Variants in HHAT observed in about 807,000 individuals in gnomAD.
The protein encoded by HHAT is protein-cysteine N-palmitoyltransferase HHAT.
A neutral mutation model predicts 70.8 loss-of-function variants in HHAT; 47 were observed. The observed-to-expected ratio is 0.66, with a 90% CI of 0.53 to 0.85. The LOEUF is 0.85. Among genes scored for constraint, HHAT ranks in the 40% least tolerant of loss-of-function variants. The pLI, the probability that HHAT is intolerant of heterozygous loss-of-function variation, is 0.00. For synonymous variants in HHAT, 228 were observed against 247.6 expected, an observed-to-expected ratio of 0.92 and a Z score of 0.74; for missense variants, 609 against 604.8, an observed-to-expected ratio of 1.01 and a Z score of -0.07.
chr1:210,356,497 G>A (rs2087639727), intron 2 of HHAT, among the ~76,000 whole-genome samples: 2 of 151,948 alleles, frequency 1.3e-5, no homozygotes, highest in Non-Finnish European at 2.9e-5. Context: ...TTTCTGGTGC[G>A]AAGTATTTAT....
At chr1:210,449,615 A>G (rs2093707399) in intron 7 of HHAT, among the ~76,000 whole-genome samples, 1 of 152,180 alleles carries the variant, frequency 6.6e-6, no homozygotes, top group Non-Finnish European at 1.5e-5. Flanking sequence ...CTGCTCCTTC[A>G]TGGCTGTAAT....
At chr1:210,606,944 G>A (rs79599684) in intron 10 of HHAT, among the ~76,000 whole-genome samples, 2,341 of 152,082 alleles carry the variant, frequency 0.015, 84 homozygotes, top group African/African-American at 0.053. Context: ...GAACATCTTC[G>A]GTATATATCT....
chr1:210,412,671 C>G (rs1222314991), intron 6 of HHAT, among the ~76,000 whole-genome samples: 1 of 152,248 alleles, frequency 6.6e-6, no homozygotes, highest in Non-Finnish European at 1.5e-5. Context: ...CTCTCAGACA[C>G]ACTGGGGTGC....
intron 3 of HHAT, among the ~76,000 whole-genome samples, chr1:210,376,859 C>T (rs2090264329): frequency 6.6e-6 from 1 of 152,142 alleles, no homozygotes; most frequent in Non-Finnish European, 1.5e-5. Flanking sequence ...GGGTTCCCTT[C>T]TTCTTCCCCT....
At chr1:210,540,703 G>A (rs1030483089) in intron 9 of HHAT, among the ~76,000 whole-genome samples, 2 of 151,730 alleles carry the variant, frequency 1.3e-5, no homozygotes, top group African/African-American at 2.4e-5. Flanking sequence ...CTATTCACAG[G>A]TGCAATAATA....
intron 1 of HHAT, among the ~76,000 whole-genome samples, chr1:210,336,315 A>G (rs1326497349): frequency 2.5e-5 from 1 of 39,978 alleles, no homozygotes; most frequent in South Asian, 8.6e-4. Context: ...TTTTTTAGAG[A>G]CAGGGTCTTA....
chr1:210,338,475 A>T (rs1192144515), intron 1 of HHAT, among the ~76,000 whole-genome samples: 1 of 150,528 alleles, frequency 6.6e-6, no homozygotes, highest in Non-Finnish European at 1.5e-5. Flanking sequence ...TGGAAAGAAT[A>T]AAAAAGCCTT....
intron 6 of HHAT, among the ~76,000 whole-genome samples, chr1:210,411,467 G>GCA (rs2092552082): frequency 6.6e-6 from 1 of 152,148 alleles, no homozygotes; most frequent in South Asian, 2.1e-4. Context: ...CCAAGAGTTT[G>GCA]AGCAGGTTGG....
At chr1:210,381,497 T>A (rs1236139876) in intron 3 of HHAT, among the ~76,000 whole-genome samples, 1 of 152,112 alleles carries the variant, frequency 6.6e-6, no homozygotes, top group African/African-American at 2.4e-5. Context: ...GCCAGGCTGG[T>A]CTCGAGCTCC....
intron 9 of HHAT, among the ~76,000 whole-genome samples, chr1:210,551,204 CG>C (rs1558144606): frequency 1.3e-5 from 2 of 148,590 alleles, no homozygotes; most frequent in Non-Finnish European, 2.9e-5. Context: ...CTCCATCGAC[CG>C]AATTAAAGTG....
chr1:210,638,784 A>C (rs1357162279), intron 11 of HHAT, among the ~76,000 whole-genome samples: 1 of 151,002 alleles, frequency 6.6e-6, no homozygotes, highest in Non-Finnish European at 1.5e-5. Flanking sequence ...ATGTGCCTGT[A>C]GTCCCAGCTT....
intron 11 of HHAT, among the ~76,000 whole-genome samples, chr1:210,654,623 A>G (rs1023996182): frequency 9.9e-5 from 15 of 152,198 alleles, no homozygotes; most frequent in African/African-American, 3.6e-4. Context: ...ACTGCTCTGT[A>G]TATAGTAGGA....
intron 7 of HHAT, among the ~76,000 whole-genome samples, chr1:210,442,300 G>T (rs1179800477): frequency 7.5e-6 from 1 of 132,618 alleles, no homozygotes; most frequent in Non-Finnish European, 1.6e-5. Context: ...GAATAATGCC[G>T]CAGTAAACAT....
chr1:210,623,889 T>C (rs1669358352), intron 11 of HHAT, among the ~76,000 whole-genome samples: 1 of 152,206 alleles, frequency 6.6e-6, no homozygotes, highest in African/African-American at 2.4e-5. Context: ...TATGTGATAC[T>C]TGTTTAACAC....
At chr1:210,482,406 G>A (rs1225126980) in intron 8 of HHAT, among the ~76,000 whole-genome samples, 7 of 152,140 alleles carry the variant, frequency 4.6e-5, no homozygotes, top group African/African-American at 1.4e-4. Context: ...TTTCTCTAAC[G>A]CAATTTTGTA....
chr1:210,379,804 CTTTAG>C (rs150212766), intron 3 of HHAT, among the ~76,000 whole-genome samples: 2,901 of 152,212 alleles, frequency 0.019, 83 homozygotes, highest in African/African-American at 0.067. Flanking sequence ...GTTCTCCATA[CTTTAG>C]TTTATGTGTT....
intron 11 of HHAT, among the ~76,000 whole-genome samples, chr1:210,654,333 C>T (rs561621895): frequency 1.3e-4 from 19 of 151,482 alleles, no homozygotes; most frequent in Admixed American, 7.9e-4. Context: ...TCCTCTCCAC[C>T]GGCTCTCAGT....
At chr1:210,572,705 G>A (rs1338915216) in intron 9 of HHAT, among the ~76,000 whole-genome samples, 1 of 152,032 alleles carries the variant, frequency 6.6e-6, no homozygotes, top group East Asian at 1.9e-4. Context: ...ACCAGCCTGG[G>A]CAACATAGTG....
rs547961724 is a variant in HHAT at position 210,386,777 on chromosome 1, A to G, written c.160-691A>G. Among the ~76,000 whole-genome samples, 3 of 152,244 alleles carry G rather than the reference A, an allele frequency of 2.0e-5. No homozygotes were observed. The South Asian group carries it at 6.2e-4, about 32-fold the overall frequency. Reference sequence around the variant, plus strand: ...GCGTCCACATGTCCACTGTTGTCAGAGGTTTCTACCTTCTCCTCCTGGGGA... The same window carrying G: ...GCGTCCACATGTCCACTGTTGTCAGGGGTTTCTACCTTCTCCTCCTGGGGA... On this transcript the variant is annotated intron_variant, in intron 3 of 11. Transcript: ENST00000261458.
Sources: allele counts gnomAD v4.1 joint callset (sites outside exome capture counted in the v4.1 genomes callset), GRCh38; gene constraint gnomAD v4.1.1; transcripts MANE v1.5; gene names NCBI Gene and HGNC (gene_info 2026-07-23, HGNC 2026-07-21).